Variants in PHF21B observed in about 807,000 individuals in gnomAD.
PHF21B encodes the protein PHD finger protein 4.
In PHF21B, 22 loss-of-function variants were observed where a neutral mutation model predicts 62.2. That is an observed-to-expected ratio of 0.35 (90% CI 0.25 to 0.51). The LOEUF is 0.51. PHF21B is among the 20% of genes least tolerant of loss of function. The pLI is 0.97. For missense variants in PHF21B, 701 were observed against 707.9 expected, an observed-to-expected ratio of 0.99 and a Z score of 0.11; for synonymous variants, 341 against 314.7, an observed-to-expected ratio of 1.08 and a Z score of -0.88.
At chr22:44,895,985 T>C in intron 6 of PHF21B, 47 bp downstream of exon 6, 1 of 1,609,086 alleles carries the variant, frequency 6.2e-7, no homozygotes, top group Non-Finnish European at 8.5e-7. Context: ...ACCCCGGCTT[T>C]CGGGTCAGTC....
In PHF21B at chr22:44,883,289, T is replaced by C; in HGVS notation, c.1393A>G (p.Lys465Glu). 1 of 1,613,722 alleles carries C rather than the reference T, an allele frequency of 6.2e-7. No homozygotes were observed. The highest frequency in any genetic ancestry group is 1.3e-5 in the African/African-American group (1 of 75,044). ...ASAVQKCLEL[K>E]TSLLARQRGT... ...CTCTGGCGGGCCAGCAGGCTTGTCT[T>C]CAACTCCAGGCATTTCTGTTGGGGA... The change falls in exon 13 of 13, where the codon AAG becomes GAG. Residue 465 changes from lysine (K) to glutamate (E), a missense_variant. Lys to Glu is a moderately conservative substitution (Grantham distance 56, BLOSUM62 1). Coordinates refer to ENST00000313237, the MANE Select transcript of PHF21B (RefSeq NM_138415.5).
At chr22:44,985,052 C>T (rs1177318322) in intron 2 of PHF21B, among the ~76,000 whole-genome samples, 1 of 152,202 alleles carries the variant, frequency 6.6e-6, no homozygotes, top group African/African-American at 2.4e-5. Context: ...AGGGCATCCT[C>T]CAGGAACACA....
intron 2 of PHF21B, among the ~76,000 whole-genome samples, chr22:44,961,403 C>T (rs1306653264): frequency 6.6e-6 from 1 of 152,122 alleles, no homozygotes; most frequent in Non-Finnish European, 1.5e-5. Context: ...TTTCAACCCT[C>T]GCTCCCCTCC....
chr22:44,940,018 C>T lies in PHF21B; in HGVS notation c.121-19528G>A, dbSNP rs922632317. Among the ~76,000 whole-genome samples the T allele has an allele frequency of 2.0e-5, 3 of 152,294 alleles. No individual in the cohort carries two copies. The South Asian group carries it at 6.2e-4, about 32-fold the overall frequency. On this transcript the variant is annotated intron_variant, in intron 2 of 12. Coordinates refer to ENST00000313237, the MANE Select transcript of PHF21B (RefSeq NM_138415.5). ...CAATAAAGTCCCCATCCTCAAAATA[C>T]AGCCAGGGGCCAGTGGGGTGGGGAC...
intron 10 of PHF21B, among the ~76,000 whole-genome samples, chr22:44,887,652 G>A (rs1028823476): frequency 6.7e-6 from 1 of 150,338 alleles, no homozygotes; most frequent in African/African-American, 2.5e-5. Flanking sequence ...CTACTTGAGA[G>A]GCTGAGGCAG....
intron 3 of PHF21B, among the ~76,000 whole-genome samples, chr22:44,917,536 A>T (rs2071460223): frequency 6.6e-6 from 1 of 152,108 alleles, no homozygotes; most frequent in African/African-American, 2.4e-5. Flanking sequence ...AGACAAGGGG[A>T]CAAGGAGAAG....
At chr22:44,890,733 G>A (rs1435626048) in intron 8 of PHF21B, among the ~76,000 whole-genome samples, 1 of 152,280 alleles carries the variant, frequency 6.6e-6, no homozygotes, top group Non-Finnish European at 1.5e-5. Flanking sequence ...GCAGAGGAGG[G>A]AGGGGCCCTG....
chr22:44,926,036 G>T (rs2071623247), intron 2 of PHF21B, among the ~76,000 whole-genome samples: 1 of 151,162 alleles, frequency 6.6e-6, no homozygotes. Flanking sequence ...CCTGTGGTGG[G>T]AAGGCCCACG....
chr22:44,924,875 G>A (rs1177887403), intron 2 of PHF21B, among the ~76,000 whole-genome samples: 1 of 152,154 alleles, frequency 6.6e-6, no homozygotes, highest in Non-Finnish European at 1.5e-5. Context: ...AGCAGCTCTT[G>A]GTGTCACAGC....
intron 5 of PHF21B, 35 bp downstream of exon 5, chr22:44,913,787 G>A (rs1377532623): frequency 1.9e-6 from 3 of 1,591,146 alleles, no homozygotes; most frequent in Admixed American, 1.7e-5. Flanking sequence ...TGCAGACTGA[G>A]CAGGGCCTGG....
At chr22:44,968,933 C>G (rs1346130231) in intron 2 of PHF21B, 3 of 152,176 alleles carry the variant, frequency 2.0e-5, no homozygotes, top group Non-Finnish European at 4.4e-5. Context: ...ACTGGGGGCT[C>G]TCTGACTTGG....
chr22:44,990,234 CA>C (rs964642777), intron 2 of PHF21B, among the ~76,000 whole-genome samples: 18 of 152,240 alleles, frequency 1.2e-4, no homozygotes, highest in African/African-American at 4.3e-4. Context: ...CACAGGCAAC[CA>C]ACCCTTCAGG....
chr22:44,936,023 T>C (rs889647522), intron 2 of PHF21B, among the ~76,000 whole-genome samples: 3 of 152,244 alleles, frequency 2.0e-5, no homozygotes, highest in African/African-American at 7.2e-5. Context: ...CTTCTAACTG[T>C]GCAAATAACG....
chr22:44,964,876 C>G (rs2147429502), intron 2 of PHF21B, among the ~76,000 whole-genome samples: 1 of 152,346 alleles, frequency 6.6e-6, no homozygotes. Context: ...AGGTGTGGAC[C>G]AAACCTGCTC....
At chr22:44,966,532 A>G (rs955439317) in intron 2 of PHF21B, among the ~76,000 whole-genome samples, 1 of 152,140 alleles carries the variant, frequency 6.6e-6, no homozygotes, top group Non-Finnish European at 1.5e-5. Context: ...GTCCCCAGGG[A>G]GTCCCTGGGC....
intron 2 of PHF21B, among the ~76,000 whole-genome samples, chr22:44,988,453 C>T (rs1330731851): frequency 6.6e-6 from 1 of 151,544 alleles, no homozygotes; most frequent in African/African-American, 2.4e-5. Context: ...CACAGCAAGA[C>T]CCTGTCAAAA....
At chr22:44,931,779 A>T (rs2071748154) in intron 2 of PHF21B, among the ~76,000 whole-genome samples, 1 of 152,056 alleles carries the variant, frequency 6.6e-6, no homozygotes, top group Non-Finnish European at 1.5e-5. Flanking sequence ...TGTCCGTGAG[A>T]CCAGCTAAAA....
At chr22:44,901,365 C>T (rs112756883) in intron 5 of PHF21B, among the ~76,000 whole-genome samples, 15 of 152,358 alleles carry the variant, frequency 9.8e-5, no homozygotes, top group African/African-American at 3.6e-4. Context: ...TCCACTGACA[C>T]TCATTTGAAG....
chr22:44,928,484 A>G (rs929722458), intron 2 of PHF21B, among the ~76,000 whole-genome samples: 1 of 152,096 alleles, frequency 6.6e-6, no homozygotes, highest in African/African-American at 2.4e-5. Flanking sequence ...ATCTTGGCTC[A>G]CTGCAACCTC....
Sources: allele counts gnomAD v4.1 joint callset (sites outside exome capture counted in the v4.1 genomes callset), GRCh38; gene constraint gnomAD v4.1.1; transcripts MANE v1.5; gene names NCBI Gene and HGNC (gene_info 2026-07-23, HGNC 2026-07-21).